The following CDYL2 variants were observed in gnomAD, a reference collection of about 807,000 sequenced individuals.
CDYL2 encodes the protein chromodomain Y-like protein 2.
In CDYL2, 23 loss-of-function variants were observed where a neutral mutation model predicts 49.4. That is an observed-to-expected ratio of 0.47 (90% confidence interval 0.34 to 0.66). The LOEUF is 0.66. CDYL2 is among the 30% of genes least tolerant of loss of function. CDYL2 has a pLI of 0.01. For synonymous variants in CDYL2, 360 were observed against 268.8 expected, an observed-to-expected ratio of 1.34 and a Z score of -3.32; for missense variants, 678 against 656.4, an observed-to-expected ratio of 1.03 and a Z score of -0.36.
intron 1 of CDYL2, among the ~76,000 whole-genome samples, chr16:80,702,607 G>A (rs1216035621): frequency 6.6e-6 from 1 of 152,062 alleles, no homozygotes; most frequent in African/African-American, 2.4e-5. Flanking sequence ...AAAATTAGCT[G>A]GGTGTGGTGG....
intron 1 of CDYL2, among the ~76,000 whole-genome samples, chr16:80,803,278 A>AT (rs1457381746): frequency 6.6e-6 from 1 of 152,210 alleles, no homozygotes; most frequent in African/African-American, 2.4e-5. Flanking sequence ...TTGGGAAGAC[A>AT]TGAGAGTATC....
At chr16:80,688,046 T>C (rs958544370) in intron 1 of CDYL2, among the ~76,000 whole-genome samples, 1 of 152,172 alleles carries the variant, frequency 6.6e-6, no homozygotes, top group African/African-American at 2.4e-5. Context: ...TATGCATAGT[T>C]GGGCTACATG....
rs1907650715 is a variant in CDYL2 at position 80,633,168 on chromosome 16, C to A, written c.685G>T (p.Asp229Tyr). ...CTGAGCCTTTTGTCAAAGACGTAGT[C>A]CTTCTCCGCTTCCAGCTTCCTCTTC... ...PVKRKLEAEK[D>Y]YVFDKRLRYS... is the part of the protein sequence containing the mutation. The change falls in exon 3 of 7, where the codon GAC becomes TAC. Residue 229 changes from aspartate to tyrosine, a missense_variant. By Grantham distance (160) the Asp-to-Tyr change is radical (BLOSUM62 -3). Coordinates refer to ENST00000570137, the MANE Select transcript of CDYL2 (RefSeq NM_152342.4). The A allele has an allele frequency of 6.2e-7, 1 of 1,614,050 alleles. No homozygotes were observed. The highest frequency in any genetic ancestry group is 8.5e-7 in the Non-Finnish European group (1 of 1,180,026).
rs533495461 is a variant in CDYL2 at position 80,640,832 on chromosome 16, T to C, written c.617-7596A>G. Among the ~76,000 whole-genome samples the C allele has an allele frequency of 2.0e-4, 30 of 152,266 alleles. No individual in the cohort carries two copies. In the Middle Eastern group the frequency reaches 0.014, roughly 69 times the overall value. On this transcript the variant is annotated intron_variant, in intron 2 of 6. Coordinates refer to ENST00000570137, the MANE Select transcript of CDYL2 (RefSeq NM_152342.4). ...AGTGAAGAATGCAGCAGACTCTGAA[T>C]AGCAGAATTGAACAAGCGTAAGAAA...
intron 1 of CDYL2, among the ~76,000 whole-genome samples, chr16:80,746,733 T>G (rs1353542983): frequency 6.6e-6 from 1 of 152,052 alleles, no homozygotes; most frequent in Non-Finnish European, 1.5e-5. Context: ...GGGACACCAG[T>G]GAGGCTGCAG....
At chr16:80,749,577 C>T (rs1906058195) in intron 1 of CDYL2, among the ~76,000 whole-genome samples, 1 of 152,110 alleles carries the variant, frequency 6.6e-6, no homozygotes, top group Non-Finnish European at 1.5e-5. Flanking sequence ...GATAAAGTCT[C>T]AGACACCCCA....
intron 1 of CDYL2, among the ~76,000 whole-genome samples, chr16:80,792,009 C>T (rs764495345): frequency 6.6e-6 from 1 of 152,114 alleles, no homozygotes; most frequent in Non-Finnish European, 1.5e-5. Context: ...AAGAAATATG[C>T]AGGATGCTGA....
chr16:80,627,227 C>T (rs1279841008), intron 3 of CDYL2, among the ~76,000 whole-genome samples: 1 of 152,116 alleles, frequency 6.6e-6, no homozygotes, highest in African/African-American at 2.4e-5. Context: ...GTCCTTTAAT[C>T]CATCTGCCTC....
chr16:80,611,884 G>A (rs915769671), intron 5 of CDYL2, among the ~76,000 whole-genome samples: 6 of 152,228 alleles, frequency 3.9e-5, no homozygotes, highest in Admixed American at 3.9e-4. Flanking sequence ...ACAGCTTACA[G>A]TGGACTCCGC....
chr16:80,770,447 C>T (rs1906867832), intron 1 of CDYL2, among the ~76,000 whole-genome samples: 1 of 152,064 alleles, frequency 6.6e-6, no homozygotes, highest in African/African-American at 2.4e-5. Flanking sequence ...TCACAACCAG[C>T]CAAGCTAAAT....
intron 1 of CDYL2, among the ~76,000 whole-genome samples, chr16:80,741,452 A>G (rs1905732178): frequency 6.6e-6 from 1 of 152,054 alleles, no homozygotes; most frequent in Non-Finnish European, 1.5e-5. Flanking sequence ...TCATATATCA[A>G]AAAGTGTCAT....
At position 80,763,214 on chromosome 16, in the gene CDYL2, C is replaced by T. The variant is rs1906592033; in HGVS notation, c.24+40936G>A. ...TTGCTAATCCGGTGTTCGAGGGCAA[C>T]TTTATAGAATGTAATAAAGGTAATG... On this transcript the variant is annotated intron_variant, in intron 1 of 6. Coordinates refer to ENST00000570137, the MANE Select transcript of CDYL2 (RefSeq NM_152342.4). Among the ~76,000 whole-genome samples the T allele has an allele frequency of 1.1e-3, 4 of 3,512 alleles. No individual in the cohort carries two copies. In the Admixed American group the frequency reaches 0.016, roughly 14 times the overall value. 2.3% of individuals were successfully genotyped at this position (3,512 alleles called of 152,430 possible). A position where few individuals can be genotyped will look rare whatever the true frequency, so the allele number is the denominator to read the frequency against.
chr16:80,795,500 T>G (rs552816503), intron 1 of CDYL2, among the ~76,000 whole-genome samples: 5 of 152,034 alleles, frequency 3.3e-5, no homozygotes, highest in Non-Finnish European at 7.4e-5. Context: ...CCTTTGGAGG[T>G]AGCAGCTTCT....
rs763194077 is a variant in CDYL2, at chr16:80,712,215, A to ATATCTC, written c.25-27087_25-27086insGAGATA. 4.8e-4 allele frequency among the ~76,000 whole-genome samples: 61 copies of ATATCTC among 128,374 alleles called. 3 individuals are homozygous for ATATCTC. In the Middle Eastern group the frequency reaches 0.015, roughly 32 times the overall value. The allele number at this position is 128,374 out of a possible 152,430, so 84.2% of individuals were successfully genotyped here. On this transcript the variant is annotated intron_variant, in intron 1 of 6. Coordinates refer to ENST00000570137, the MANE Select transcript of CDYL2 (RefSeq NM_152342.4). Reference sequence around the variant, plus strand: ...TGTATATATATATATATATATATATATCTCCAAACCACTGCTCACTGTGAT... The same window carrying ATATCTC: ...TGTATATATATATATATATATATATATATCTCTCTCCAAACCACTGCTCACTGTGAT...
At chr16:80,687,233 C>G (rs2142480169) in intron 1 of CDYL2, among the ~76,000 whole-genome samples, 1 of 152,284 alleles carries the variant, frequency 6.6e-6, no homozygotes, top group Non-Finnish European at 1.5e-5. Flanking sequence ...TTCCTGGGAG[C>G]TAAGGGATGT....
At chr16:80,685,508 G>A (rs999738785) in intron 1 of CDYL2, among the ~76,000 whole-genome samples, 1 of 152,164 alleles carries the variant, frequency 6.6e-6, no homozygotes, top group Admixed American at 6.5e-5. Context: ...GACCAATTTG[G>A]TGTGAGTTCT....
rs114568499 is a variant in CDYL2 at position 80,741,163 on chromosome 16, T to A, written c.25-56034A>T. 2.7e-3 allele frequency among the ~76,000 whole-genome samples: 399 copies of A among 149,134 alleles called. 2 individuals carry two copies. The highest frequency in any genetic ancestry group is 9.5e-3 in the African/African-American group (385 of 40,560). On this transcript the variant is annotated intron_variant, in intron 1 of 6. Transcript: ENST00000570137. ...AGCCCAGAAACATATATATACATAA[T>A]ATATATATAACATGTACTATATAAG...
At chr16:80,646,871 G>A (rs117018254) in intron 2 of CDYL2, among the ~76,000 whole-genome samples, 1,966 of 145,734 alleles carry the variant, frequency 0.013, 14 homozygotes, top group Middle Eastern at 0.025. Flanking sequence ...AACACACTTC[G>A]CCTTTAAAGA....
intron 1 of CDYL2, among the ~76,000 whole-genome samples, chr16:80,788,333 A>C (rs182061895): frequency 6.6e-6 from 1 of 152,326 alleles, no homozygotes; most frequent in Admixed American, 6.5e-5. Flanking sequence ...GTATTGACAA[A>C]CATCCATTCA....
Sources: gnomAD v4.1 joint callset for allele counts (sites outside exome capture counted in the v4.1 genomes callset) on GRCh38, gnomAD v4.1.1 for gene constraint, MANE v1.5 for transcripts, NCBI Gene and HGNC (gene_info 2026-07-23, HGNC 2026-07-21) for gene names.